GAB2: variants seen among roughly 807,000 people sequenced by gnomAD.
GAB2 encodes the protein GRB2-associated-binding protein 2.
GAB2 carries 26 observed loss-of-function variants against 65.5 expected under a neutral mutation model. The ratio of observed to expected loss-of-function variants is 0.40; its 90% CI spans 0.29 to 0.55. The LOEUF is 0.55. Ranked by LOEUF, GAB2 falls within the 20% of genes least tolerant of loss-of-function variation. The probability of loss-of-function intolerance (pLI) is 0.53; values close to 1 mark genes in which losing one functional copy is unlikely to be tolerated. For missense variants in GAB2, 884 were observed against 875.8 expected (o/e 1.01, Z -0.12); for synonymous variants, 321 against 329.6 (o/e 0.97, Z 0.28).
intron 3 of GAB2, among the ~76,000 whole-genome samples, chr11:78,239,733 A>G (rs1590956772): frequency 1.3e-5 from 2 of 152,216 alleles, no homozygotes; most frequent in East Asian, 1.9e-4. Context: ...GGCAACTGCC[A>G]TCAACACCTT....
intron 3 of GAB2, among the ~76,000 whole-genome samples, chr11:78,238,634 T>A: frequency 6.7e-6 from 1 of 148,344 alleles, no homozygotes; most frequent in African/African-American, 2.5e-5. Context: ...AAAAACTAAC[T>A]CAAAATGGAT....
intron 2 of GAB2, among the ~76,000 whole-genome samples, chr11:78,277,734 G>C (rs1250528210): frequency 1.3e-5 from 2 of 152,236 alleles, no homozygotes; most frequent in African/African-American, 4.8e-5. Flanking sequence ...GAAGAATCAG[G>C]AGAGAAGGGA....
At chr11:78,245,065 A>G (rs1865258779) in intron 3 of GAB2, among the ~76,000 whole-genome samples, 1 of 152,222 alleles carries the variant, frequency 6.6e-6, no homozygotes, top group Admixed American at 6.5e-5. Flanking sequence ...AAATGGATAA[A>G]GAAAATGTAG....
chr11:78,319,777 C>G (rs1855685819), intron 1 of GAB2, among the ~76,000 whole-genome samples: 1 of 152,158 alleles, frequency 6.6e-6, no homozygotes, highest in African/African-American at 2.4e-5. Flanking sequence ...GTAAACCAGG[C>G]ACTGTGCCAC....
intron 1 of GAB2, among the ~76,000 whole-genome samples, chr11:78,312,313 A>C (rs1009255633): frequency 5.9e-5 from 9 of 151,872 alleles, no homozygotes; most frequent in East Asian, 5.8e-4. Context: ...CCACCACCAC[A>C]ACAAAAACAA....
chr11:78,226,538 A>G lies in GAB2; in HGVS notation c.1134T>C (p.Asn378=), dbSNP rs770163574. Residue 378 remains asparagine, a synonymous_variant, in exon 4 of 10, where the codon AAT becomes AAC. Transcript: ENST00000361507. The stretch of plus-strand genomic sequence containing the variant: ...GGATGGTGGCAGCGACAGATCTGCT[A>G]TTTTCACTGATTGGCGGTCTCTGCT... ...SPQQRPPISE[N]SRSVAATIPR... is the part of the protein sequence containing the mutation. 2.2e-6 allele frequency: 3 copies of G among 1,382,710 alleles called. No homozygotes were observed. The highest frequency in any genetic ancestry group is 1.1e-5 in the South Asian group (1 of 87,996). The allele number at this position is 1,382,710 out of a possible 1,614,324, so 85.7% of individuals were successfully genotyped here. A position where few individuals can be genotyped will look rare whatever the true frequency, so the allele number is the denominator to read the frequency against.
At chr11:78,264,491 C>T (rs144361190) in intron 2 of GAB2, among the ~76,000 whole-genome samples, 3,132 of 152,008 alleles carry the variant, frequency 0.021, 79 homozygotes, top group Non-Finnish European at 0.024. Flanking sequence ...GCCTCCGCCT[C>T]CCAGATTCAA....
chr11:78,284,363 C>T (rs1019453081), intron 1 of GAB2, among the ~76,000 whole-genome samples: 1 of 152,228 alleles, frequency 6.6e-6, no homozygotes, highest in Non-Finnish European at 1.5e-5. Flanking sequence ...TCAGAAGATG[C>T]CACTTCTCCG....
intron 1 of GAB2, among the ~76,000 whole-genome samples, chr11:78,342,206 C>T (rs887865293): frequency 2.0e-5 from 3 of 152,200 alleles, no homozygotes; most frequent in South Asian, 2.1e-4. Context: ...ATGCTATCAA[C>T]GGATCTGCCC....
intron 2 of GAB2, among the ~76,000 whole-genome samples, chr11:78,270,060 C>T (rs1865972303): frequency 6.6e-6 from 1 of 152,088 alleles, no homozygotes; most frequent in Non-Finnish European, 1.5e-5. Context: ...AGGTTAATAT[C>T]GATGTACAGA....
At chr11:78,345,108 C>T (rs1486393387) in intron 1 of GAB2, among the ~76,000 whole-genome samples, 1 of 152,112 alleles carries the variant, frequency 6.6e-6, no homozygotes, top group Non-Finnish European at 1.5e-5. Context: ...GGCAAAACCC[C>T]GTCTCTACTA....
In GAB2 at chr11:78,298,848, T is replaced by A. The variant is rs190593499; in HGVS notation, c.76-17947A>T. On this transcript the variant is annotated intron_variant, in intron 1 of 9. Coordinates refer to ENST00000361507, the MANE Select transcript of GAB2 (RefSeq NM_080491.3). ...TTCTTCTGGGACAAAGGCTTCTCTCTCAGTCCCGCAGGCCCTCCAAAGACC... is the reference window on the plus strand; with the variant it reads ...TTCTTCTGGGACAAAGGCTTCTCTCACAGTCCCGCAGGCCCTCCAAAGACC... 3.3e-4 allele frequency among the ~76,000 whole-genome samples: 50 copies of A among 152,340 alleles called. No individual in the cohort carries two copies. The East Asian group carries it at 9.1e-3, about 28-fold the overall frequency.
rs538433501 is a variant in GAB2 at position 78,215,807 on chromosome 11, C to T, written c.*3465G>A. On this transcript the variant is annotated 3_prime_UTR_variant, in exon 10 of 10. Coordinates refer to ENST00000361507, the MANE Select transcript of GAB2 (RefSeq NM_080491.3). ...GGGCTTTAGCGCTCCTGAGACCAGT[C>T]TGGCTTCCCCTGCATTTTATGAAGG... 1 of 152,802 alleles carries T rather than the reference C, an allele frequency of 6.5e-6. No individual in the cohort carries two copies. Among genetic ancestry groups the T allele is most frequent in the South Asian group, 2.1e-4 (1 of 4,826 alleles). The allele number at this position is 152,802 out of a possible 1,614,324, so 9.5% of individuals were successfully genotyped here. A position where few individuals can be genotyped will look rare whatever the true frequency, so the allele number is the denominator to read the frequency against.
chr11:78,220,407 G>T lies in GAB2; in HGVS notation c.1799C>A (p.Thr600Lys). ...PVSASPVPSG[T>K]NSPAPKKSTG... ...GCTCTTCTTAGGGGCAGGACTGTTCGTGCCACTGGGAACGGGAGATGCAGA... is the reference window on the plus strand; with the variant it reads ...GCTCTTCTTAGGGGCAGGACTGTTCTTGCCACTGGGAACGGGAGATGCAGA... The change falls in exon 9 of 10, where the codon ACG becomes AAG. Residue 600 changes from threonine (T) to lysine (K), a missense_variant. Physicochemically the swap from Thr to Lys is moderately conservative, Grantham distance 78 (BLOSUM62 -1). Coordinates refer to ENST00000361507, the MANE Select transcript of GAB2 (RefSeq NM_080491.3). The T allele has an allele frequency of 6.3e-7, 1 of 1,595,860 alleles. No individual in the cohort carries two copies. Among genetic ancestry groups the T allele is most frequent in the Non-Finnish European group, 8.6e-7 (1 of 1,166,324 alleles).
chr11:78,296,250 T>C (rs1020792339), intron 1 of GAB2, among the ~76,000 whole-genome samples: 5 of 152,204 alleles, frequency 3.3e-5, no homozygotes, highest in Non-Finnish European at 7.4e-5. Context: ...CCCAGGGGGC[T>C]GGGGACCCCT....
At chr11:78,348,229 T>C (rs1856221442) in intron 1 of GAB2, among the ~76,000 whole-genome samples, 1 of 152,122 alleles carries the variant, frequency 6.6e-6, no homozygotes, top group Non-Finnish European at 1.5e-5. Flanking sequence ...TCACTTTTAC[T>C]GAAAAGAATC....
intron 2 of GAB2, among the ~76,000 whole-genome samples, chr11:78,261,153 G>A (rs977782611): frequency 6.6e-6 from 1 of 152,148 alleles, no homozygotes; most frequent in African/African-American, 2.4e-5. Flanking sequence ...CATTGTGGCA[G>A]ATGCCTGCAG....
intron 1 of GAB2, among the ~76,000 whole-genome samples, chr11:78,385,752 T>G (rs112048691): frequency 1.3e-5 from 2 of 152,144 alleles, no homozygotes; most frequent in African/African-American, 4.8e-5. Flanking sequence ...AAAGTTACCA[T>G]GTAGAGATTG....
intron 3 of GAB2, among the ~76,000 whole-genome samples, chr11:78,233,561 T>A (rs1864904787): frequency 6.6e-6 from 1 of 152,208 alleles, no homozygotes; most frequent in Non-Finnish European, 1.5e-5. Flanking sequence ...CACAAACAAA[T>A]CCTTTGTTAG....
Sources: allele counts gnomAD v4.1 joint callset (sites outside exome capture counted in the v4.1 genomes callset), GRCh38; gene constraint gnomAD v4.1.1; transcripts MANE v1.5; gene names NCBI Gene and HGNC (gene_info 2026-07-23, HGNC 2026-07-21).